The following RORA variants were observed in gnomAD, a reference collection of about 807,000 sequenced individuals.
RORA encodes RAR related orphan receptor A, also known as nuclear receptor ROR-alpha.
RORA carries 7 observed loss-of-function variants against 69.5 expected under a neutral mutation model. The observed-to-expected ratio is 0.10, with a 90% CI of 0.06 to 0.19. The LOEUF (loss-of-function observed/expected upper bound fraction) is 0.19, where lower values mean the gene tolerates loss of function less well. Ranked by LOEUF, RORA falls within the 10% of genes least tolerant of loss-of-function variation. The pLI, the probability that RORA is intolerant of heterozygous loss-of-function variation, is 1.00. For synonymous variants in RORA, 261 were observed against 240.8 expected (o/e 1.08, Z -0.78); for missense variants, 457 against 663.0 (o/e 0.69, Z 3.41).
At chr15:61,204,408 A>G (rs2079921302) in intron 1 of RORA, among the ~76,000 whole-genome samples, 1 of 152,238 alleles carries the variant, frequency 6.6e-6, no homozygotes, top group African/African-American at 2.4e-5. Flanking sequence ...GAGCAGATAA[A>G]TCAACACAGG....
intron 1 of RORA, among the ~76,000 whole-genome samples, chr15:60,718,108 C>T (rs2071244084): frequency 1.3e-5 from 2 of 152,110 alleles, no homozygotes; most frequent in South Asian, 2.1e-4. Flanking sequence ...TGGTGTTCTA[C>T]GGATAGGACC....
chr15:61,170,915 C>T (rs2079579525), intron 1 of RORA, among the ~76,000 whole-genome samples: 1 of 152,156 alleles, frequency 6.6e-6, no homozygotes, highest in Non-Finnish European at 1.5e-5. Flanking sequence ...TTACTGGGCA[C>T]CCTCTAGATA....
chr15:60,707,279 C>T (rs1443433476), intron 1 of RORA, among the ~76,000 whole-genome samples: 1 of 152,060 alleles, frequency 6.6e-6, no homozygotes, highest in Non-Finnish European at 1.5e-5. Flanking sequence ...CTAGCTTGCC[C>T]CTCATACAAG....
At chr15:60,790,051 T>G (rs1316644208) in intron 1 of RORA, among the ~76,000 whole-genome samples, 1 of 152,180 alleles carries the variant, frequency 6.6e-6, no homozygotes, top group African/African-American at 2.4e-5. Flanking sequence ...TGAGAACCTA[T>G]GACCCAAGAG....
intron 1 of RORA, among the ~76,000 whole-genome samples, chr15:60,966,305 CA>C (rs888827015): frequency 6.6e-6 from 1 of 152,180 alleles, no homozygotes; most frequent in Admixed American, 6.5e-5. Context: ...AGGACTTCAA[CA>C]TATGAATTTT....
At chr15:61,191,136 C>T (rs537133568) in intron 1 of RORA, among the ~76,000 whole-genome samples, 39 of 152,208 alleles carry the variant, frequency 2.6e-4, no homozygotes, top group South Asian at 1.0e-3. Flanking sequence ...GAAAGGCTGG[C>T]TCCACCGTTA....
At chr15:60,937,044 T>G (rs184233368) in intron 1 of RORA, among the ~76,000 whole-genome samples, 1 of 152,326 alleles carries the variant, frequency 6.6e-6, no homozygotes, top group Admixed American at 6.5e-5. Flanking sequence ...AGGCACCATA[T>G]GGAGTGCTCT....
At chr15:61,071,846 T>C (rs1479967492) in intron 1 of RORA, among the ~76,000 whole-genome samples, 1 of 152,142 alleles carries the variant, frequency 6.6e-6, no homozygotes, top group African/African-American at 2.4e-5. Context: ...GTAATAACAT[T>C]CCTGGAGATT....
intron 1 of RORA, among the ~76,000 whole-genome samples, chr15:61,001,461 C>T (rs1894742835): frequency 6.6e-6 from 1 of 152,170 alleles, no homozygotes; most frequent in Non-Finnish European, 1.5e-5. Context: ...GGGCTAGTTT[C>T]CTTGAAATAG....
intron 6 of RORA, among the ~76,000 whole-genome samples, chr15:60,505,170 A>G (rs957096614): frequency 6.6e-6 from 1 of 152,246 alleles, no homozygotes; most frequent in Admixed American, 6.5e-5. Context: ...TATTTTACAT[A>G]AACTTCCAGA....
At chr15:61,069,401 G>C (rs1383375485) in intron 1 of RORA, among the ~76,000 whole-genome samples, 2 of 151,994 alleles carry the variant, frequency 1.3e-5, no homozygotes, top group Admixed American at 1.3e-4. Flanking sequence ...GGAGAAAAAA[G>C]CAAAAAGAAA....
At chr15:60,722,587 T>A (rs1443389931) in intron 1 of RORA, among the ~76,000 whole-genome samples, 1 of 152,006 alleles carries the variant, frequency 6.6e-6, no homozygotes, top group Non-Finnish European at 1.5e-5. Flanking sequence ...CAATCAAGAG[T>A]CCCACCTAAG....
chr15:60,744,593 T>C (rs905498690), intron 1 of RORA, among the ~76,000 whole-genome samples: 18 of 152,326 alleles, frequency 1.2e-4, no homozygotes, highest in Admixed American at 1.0e-3. Flanking sequence ...GGGGCAAGAA[T>C]GGTGCTATGT....
At chr15:60,556,246 A>G (rs1595967745) in intron 2 of RORA, among the ~76,000 whole-genome samples, 2 of 152,262 alleles carry the variant, frequency 1.3e-5, no homozygotes, top group African/African-American at 4.8e-5. Context: ...CTCTTCTTAT[A>G]AACCCACAAC....
intron 1 of RORA, among the ~76,000 whole-genome samples, chr15:61,035,774 T>C (rs780132787): frequency 6.6e-6 from 1 of 152,136 alleles, no homozygotes; most frequent in Non-Finnish European, 1.5e-5. Flanking sequence ...AGAAGGTGGA[T>C]ACAAATACAC....
intron 1 of RORA, among the ~76,000 whole-genome samples, chr15:61,031,972 G>C (rs1276969155): frequency 6.6e-6 from 1 of 152,146 alleles, no homozygotes; most frequent in African/African-American, 2.4e-5. Context: ...AATCTGCCAA[G>C]GATGGTCATT....
intron 1 of RORA, among the ~76,000 whole-genome samples, chr15:61,135,856 T>A (rs1054653007): frequency 2.0e-5 from 3 of 152,194 alleles, no homozygotes; most frequent in Admixed American, 2.0e-4. Context: ...CCTAACATCT[T>A]GACCCAACTA....
rs1186669323 is a variant in RORA, at chr15:61,226,012, G to A, written c.166+3041C>T. ...GCAGTTTTATGGACAGGGGAAGGTC[G>A]TCTTTCAGATTATAAAGTCACACAC... On this transcript the variant is annotated intron_variant, in intron 1 of 10. Transcript: ENST00000335670. This position sits in a 1 kb window ranked among gnomAD's most constrained non-coding sequence, Gnocchi z 4.2. Among the ~76,000 whole-genome samples the A allele has an allele frequency of 1.3e-5, 2 of 152,132 alleles. No homozygotes were observed. The highest frequency in any genetic ancestry group is 2.4e-5 in the African/African-American group (1 of 41,406).
intron 1 of RORA, among the ~76,000 whole-genome samples, chr15:61,225,484 T>C (rs186964370): frequency 8.7e-4 from 132 of 152,332 alleles, no homozygotes; most frequent in African/African-American, 3.2e-3. Flanking sequence ...GGGCTACACA[T>C]AAACTACAGG....
Sources: allele counts gnomAD v4.1 joint callset (sites outside exome capture counted in the v4.1 genomes callset), GRCh38; gene constraint gnomAD v4.1.1; non-coding constraint Gnocchi (gnomAD v3.1); transcripts MANE v1.5; gene names NCBI Gene and HGNC (gene_info 2026-07-23, HGNC 2026-07-21).